The following ADAMTSL3 variants were observed in gnomAD, a reference collection of about 807,000 sequenced individuals.
ADAMTSL3 encodes ADAMTS-like protein 3.
In ADAMTSL3, 128 loss-of-function variants were observed where a neutral mutation model predicts 201.7. The ratio of observed to expected loss-of-function variants is 0.63; its 90% CI spans 0.55 to 0.73. The LOEUF is 0.73. ADAMTSL3 is among the 30% of genes least tolerant of loss of function. The pLI is 0.00. For missense variants in ADAMTSL3, 1,990 were observed against 2,119.6 expected (o/e 0.94, Z 1.20); for synonymous variants, 738 against 748.4 (o/e 0.99, Z 0.23).
intron 19 of ADAMTSL3, among the ~76,000 whole-genome samples, chr15:83,960,456 C>G (rs773631922): frequency 1.2e-4 from 18 of 152,236 alleles, no homozygotes; most frequent in Non-Finnish European, 2.6e-4. Flanking sequence ...TCCTGAAAGG[C>G]CTGTTCTAGT....
At chr15:83,837,523 G>A (rs904517042) in intron 6 of ADAMTSL3, among the ~76,000 whole-genome samples, 3 of 152,106 alleles carry the variant, frequency 2.0e-5, no homozygotes, top group Admixed American at 6.5e-5. Context: ...GTACATGCCT[G>A]TAATCCCAGC....
At chr15:83,915,929 T>C (rs143485870) in intron 16 of ADAMTSL3, among the ~76,000 whole-genome samples, 29 of 152,342 alleles carry the variant, frequency 1.9e-4, no homozygotes, top group Non-Finnish European at 4.1e-4. Flanking sequence ...GTTTAGGGTA[T>C]TGAGAATAGT....
At chr15:83,829,662 T>G (rs1195975229) in intron 6 of ADAMTSL3, among the ~76,000 whole-genome samples, 4 of 152,362 alleles carry the variant, frequency 2.6e-5, no homozygotes, top group African/African-American at 7.2e-5. Flanking sequence ...TTGTGGGCAT[T>G]TAGTGCTATA....
At chr15:83,899,345 A>G (rs949117297) in intron 14 of ADAMTSL3, among the ~76,000 whole-genome samples, 14 of 152,246 alleles carry the variant, frequency 9.2e-5, no homozygotes, top group African/African-American at 3.4e-4. Context: ...GCTTCAATAT[A>G]TGAACAACAG....
chr15:83,656,292 T>C (rs2061082241), intron 2 of ADAMTSL3, among the ~76,000 whole-genome samples: 1 of 152,236 alleles, frequency 6.6e-6, no homozygotes, highest in South Asian at 2.1e-4. Context: ...CTGCTGTCTT[T>C]TCCAACCAAC....
chr15:83,686,588 G>C (rs1432208704), intron 2 of ADAMTSL3, among the ~76,000 whole-genome samples: 1 of 152,134 alleles, frequency 6.6e-6, no homozygotes, highest in African/African-American at 2.4e-5. Flanking sequence ...TGAGGTTGGT[G>C]GCAGAGCTAA....
At chr15:84,016,615 C>G (rs1402606741) in intron 25 of ADAMTSL3, 116 bp downstream of exon 25, 2 of 857,648 alleles carry the variant, frequency 2.3e-6, no homozygotes, top group African/African-American at 1.7e-5. Context: ...TATTTCTAGG[C>G]ATTTGGCCAG....
At chr15:83,670,055 C>T (rs893323801) in intron 2 of ADAMTSL3, among the ~76,000 whole-genome samples, 65 of 151,452 alleles carry the variant, frequency 4.3e-4, no homozygotes, top group Non-Finnish European at 1.5e-4. Context: ...GTTGGGAGTT[C>T]GAGACCAGCC....
chr15:83,909,631 T>C (rs2065897970), intron 15 of ADAMTSL3, among the ~76,000 whole-genome samples: 6 of 152,156 alleles, frequency 3.9e-5, no homozygotes, highest in Admixed American at 2.6e-4. Context: ...CTTTCTTTTT[T>C]TGAGGTGGAG....
chr15:83,881,281 G>T (rs538593263), intron 9 of ADAMTSL3, among the ~76,000 whole-genome samples: 2 of 152,152 alleles, frequency 1.3e-5, no homozygotes, highest in East Asian at 3.8e-4. Context: ...AACTTTCTAG[G>T]GTCCTGGGTT....
At chr15:83,993,507 T>C (rs1335390230) in intron 23 of ADAMTSL3, among the ~76,000 whole-genome samples, 1 of 152,234 alleles carries the variant, frequency 6.6e-6, no homozygotes, top group Non-Finnish European at 1.5e-5. Flanking sequence ...TTCCCACTAA[T>C]TGTAATGAAC....
chr15:83,764,641 A>G (rs2062862778), intron 3 of ADAMTSL3, among the ~76,000 whole-genome samples: 1 of 152,036 alleles, frequency 6.6e-6, no homozygotes, highest in South Asian at 2.1e-4. Flanking sequence ...CCCTTGCCCC[A>G]TCTAGCGTGC....
At chr15:83,671,409 T>A (rs1445292846) in intron 2 of ADAMTSL3, among the ~76,000 whole-genome samples, 1 of 152,210 alleles carries the variant, frequency 6.6e-6, no homozygotes, top group Admixed American at 6.5e-5. Context: ...TACAAAAAGA[T>A]AATTTGTATT....
chr15:83,750,354 T>A (rs2062619754), intron 3 of ADAMTSL3, among the ~76,000 whole-genome samples: 1 of 152,244 alleles, frequency 6.6e-6, no homozygotes, highest in African/African-American at 2.4e-5. Flanking sequence ...ATGAACCAGT[T>A]TGAGCCCATA....
At position 83,993,266 on chromosome 15, in the gene ADAMTSL3, G is replaced by A. The variant is rs539240114; in HGVS notation, c.3973+2052G>A. Among the ~76,000 whole-genome samples the A allele has an allele frequency of 7.9e-5, 12 of 152,266 alleles. No homozygotes were observed. The East Asian group carries it at 2.3e-3, about 29-fold the overall frequency. ...CTAGCTAGTATGTAACCATAGGTGA[G>A]TCATATATCTTTCTTCCCTCATCTC... On this transcript the variant is annotated intron_variant, in intron 23 of 29. Coordinates refer to ENST00000286744, the MANE Select transcript of ADAMTSL3 (RefSeq NM_207517.3).
intron 28 of ADAMTSL3, among the ~76,000 whole-genome samples, chr15:84,034,546 G>A (rs1567316178): frequency 1.3e-5 from 2 of 152,124 alleles, no homozygotes; most frequent in Non-Finnish European, 2.9e-5. Flanking sequence ...AGAATGCTGA[G>A]GACACAGAAA....
chr15:83,895,727 T>C (rs1486827690), intron 13 of ADAMTSL3, among the ~76,000 whole-genome samples: 1 of 152,146 alleles, frequency 6.6e-6, no homozygotes, highest in Non-Finnish European at 1.5e-5. Flanking sequence ...TTTTCTTTCT[T>C]TTTGGGTGAA....
Position 83,704,612 on chromosome 15 carries a change from A to G in ADAMTSL3, c.189+104A>G, listed in dbSNP as rs2141505404. 10 of 1,473,880 alleles carry G rather than the reference A, an allele frequency of 6.8e-6. No individual in the cohort carries two copies. The East Asian group carries it at 1.6e-4, about 23-fold the overall frequency. The allele number at this position is 1,473,880 out of a possible 1,614,324, so 91.3% of individuals were successfully genotyped here. The stretch of plus-strand genomic sequence containing the variant: ...AAGTAATTATATTTTCCTCTTTGCA[A>G]TACAAGTACAACAGACCCTTGACAC... On this transcript the variant is annotated intron_variant, in intron 3 of 29. Coordinates refer to ENST00000286744, the MANE Select transcript of ADAMTSL3 (RefSeq NM_207517.3).
At chr15:83,864,034 A>G (rs1445781980) in intron 8 of ADAMTSL3, among the ~76,000 whole-genome samples, 1 of 152,224 alleles carries the variant, frequency 6.6e-6, no homozygotes, top group East Asian at 1.9e-4. Context: ...AAATTCCTTG[A>G]TATATACACC....
Sources: allele counts gnomAD v4.1 joint callset (sites outside exome capture counted in the v4.1 genomes callset), GRCh38; gene constraint gnomAD v4.1.1; transcripts MANE v1.5; gene names NCBI Gene and HGNC (gene_info 2026-07-23, HGNC 2026-07-21).